Variants in ERC2 observed in about 807,000 individuals in gnomAD.
ERC2 encodes the protein ERC protein 2.
A neutral mutation model predicts 114.8 loss-of-function variants in ERC2; 42 were observed. The ratio of observed to expected loss-of-function variants is 0.37; its 90% CI spans 0.29 to 0.47. ERC2 has a LOEUF of 0.47. ERC2 is among the 20% of genes least tolerant of loss of function. The probability of loss-of-function intolerance (pLI) is 0.99; values close to 1 mark genes in which losing one functional copy is unlikely to be tolerated. For missense variants in ERC2, 939 were observed against 1,150.7 expected (o/e 0.82, Z 2.66); for synonymous variants, 454 against 425.5 (o/e 1.07, Z -0.82).
intron 14 of ERC2, among the ~76,000 whole-genome samples, chr3:55,773,553 A>T (rs1381613176): frequency 6.6e-6 from 1 of 152,228 alleles, no homozygotes; most frequent in Non-Finnish European, 1.5e-5. Context: ...AGACAAGCTA[A>T]TACTCATCTT....
chr3:56,186,114 T>TAAAAAAAAAAAAAAAAAAAAAAAAAAAAA (rs201544979), intron 3 of ERC2, among the ~76,000 whole-genome samples: 2 of 102,544 alleles, frequency 2.0e-5, no homozygotes, highest in African/African-American at 3.9e-5. Context: ...TCAAGAACCT[T>TAAAAAAAAAAAAAAAAAAAAAAAAAAAAA]AAAAAAAAAA....
chr3:55,705,895 G>A (rs2063456598), intron 15 of ERC2, among the ~76,000 whole-genome samples: 1 of 152,124 alleles, frequency 6.6e-6, no homozygotes, highest in African/African-American at 2.4e-5. Context: ...TTGTTGCAGA[G>A]AATGTCAGGG....
At chr3:56,051,412 G>GA (rs982415534) in intron 7 of ERC2, among the ~76,000 whole-genome samples, 2 of 151,736 alleles carry the variant, frequency 1.3e-5, no homozygotes, top group African/African-American at 4.8e-5. Flanking sequence ...ATATTTTTTA[G>GA]AAAAAAAGGG....
At chr3:55,884,593 T>C (rs2063278714) in intron 14 of ERC2, among the ~76,000 whole-genome samples, 1 of 152,058 alleles carries the variant, frequency 6.6e-6, no homozygotes, top group African/African-American at 2.4e-5. Context: ...CAGTTCAATA[T>C]AATGACAAAT....
chr3:55,984,298 A>G (rs193255818), intron 12 of ERC2, among the ~76,000 whole-genome samples: 1 of 152,226 alleles, frequency 6.6e-6, no homozygotes, highest in African/African-American at 2.4e-5. Context: ...TAGGAAAAAA[A>G]AAACAAAAAA....
intron 2 of ERC2, among the ~76,000 whole-genome samples, chr3:56,320,229 A>G (rs1386728409): frequency 6.6e-6 from 1 of 152,212 alleles, no homozygotes; most frequent in African/African-American, 2.4e-5. Context: ...GAGAAGAAAC[A>G]GGTTAACTAC....
At chr3:56,045,979 G>A (rs1030605570) in intron 7 of ERC2, among the ~76,000 whole-genome samples, 5 of 152,150 alleles carry the variant, frequency 3.3e-5, no homozygotes, top group South Asian at 2.1e-4. Context: ...GACTGCACAC[G>A]AGAATCATCT....
chr3:56,294,103 C>A (rs981194211), intron 3 of ERC2, among the ~76,000 whole-genome samples: 1 of 152,206 alleles, frequency 6.6e-6, no homozygotes, highest in Non-Finnish European at 1.5e-5. Context: ...TTCCAAAATC[C>A]ACAGTTAGTC....
intron 3 of ERC2, among the ~76,000 whole-genome samples, chr3:56,268,136 T>C (rs1466797064): frequency 2.6e-5 from 4 of 152,204 alleles, no homozygotes; most frequent in African/African-American, 9.6e-5. Flanking sequence ...ACCATATGAT[T>C]ATAATACTGT....
intron 17 of ERC2, among the ~76,000 whole-genome samples, chr3:55,634,353 T>C (rs2059873351): frequency 6.6e-6 from 1 of 152,234 alleles, no homozygotes; most frequent in Admixed American, 6.5e-5. Context: ...ATGCTCCTAC[T>C]ATTTATTGGG....
intron 14 of ERC2, among the ~76,000 whole-genome samples, chr3:55,866,860 A>T (rs2062341301): frequency 6.6e-6 from 1 of 152,186 alleles, no homozygotes; most frequent in Non-Finnish European, 1.5e-5. Flanking sequence ...CTTGTTCATC[A>T]TCAAGTCACT....
intron 17 of ERC2, among the ~76,000 whole-genome samples, chr3:55,602,006 A>G (rs1401871211): frequency 2.0e-5 from 3 of 152,218 alleles, no homozygotes; most frequent in African/African-American, 7.2e-5. Flanking sequence ...TAAGTCCTCA[A>G]TAACTATTTC....
intron 7 of ERC2, among the ~76,000 whole-genome samples, chr3:56,030,896 T>C (rs1482658093): frequency 1.3e-5 from 2 of 152,108 alleles, no homozygotes; most frequent in African/African-American, 2.4e-5. Flanking sequence ...CAGTGCAGCA[T>C]GGGGAGAGAG....
chr3:56,144,383 G>T (rs1043863537), intron 5 of ERC2, among the ~76,000 whole-genome samples: 1 of 152,146 alleles, frequency 6.6e-6, no homozygotes, highest in East Asian at 1.9e-4. Context: ...TTCTCAGGGG[G>T]GTATGGCCCC....
Position 55,510,207 on chromosome 3 carries a change from A to G in ERC2, c.*1109T>C, listed in dbSNP as rs1488184936. On this transcript the variant is annotated 3_prime_UTR_variant, in exon 18 of 18. Transcript: ENST00000288221. ...TTTTGTGATTGTTCCTCATTCATCAATGTTTTCATGTTTGATGCTGAAAAT... is the reference window on the plus strand; with the variant it reads ...TTTTGTGATTGTTCCTCATTCATCAGTGTTTTCATGTTTGATGCTGAAAAT... 4 of 152,414 alleles carry G rather than the reference A, an allele frequency of 2.6e-5. No individual in the cohort carries two copies. Among genetic ancestry groups the G allele is most frequent in the Non-Finnish European group, 2.9e-5 (2 of 68,006 alleles). 9.4% of individuals were successfully genotyped at this position (152,414 alleles called of 1,614,324 possible).
chr3:55,849,331 A>G (rs2061483869), intron 14 of ERC2, among the ~76,000 whole-genome samples: 1 of 152,204 alleles, frequency 6.6e-6, no homozygotes, highest in Non-Finnish European at 1.5e-5. Flanking sequence ...CTAACTAAGA[A>G]GTGTTCAATG....
intron 14 of ERC2, among the ~76,000 whole-genome samples, chr3:55,883,865 G>A (rs906126779): frequency 2.0e-5 from 3 of 151,334 alleles, no homozygotes; most frequent in African/African-American, 7.3e-5. Context: ...TCCAGCCTGG[G>A]CAACAGAGTG....
chr3:55,867,922 T>C (rs1277883450), intron 14 of ERC2, among the ~76,000 whole-genome samples: 2 of 152,202 alleles, frequency 1.3e-5, no homozygotes, highest in Non-Finnish European at 2.9e-5. Context: ...ATTATTCTTA[T>C]CTTGGATAAT....
chr3:55,879,627 C>A (rs7618265), intron 14 of ERC2, among the ~76,000 whole-genome samples: 14,613 of 152,196 alleles, frequency 0.096, 808 homozygotes, highest in South Asian at 0.15. Flanking sequence ...CATACACATA[C>A]ATGTCTGTTA....
Sources: gnomAD v4.1 joint callset for allele counts (sites outside exome capture counted in the v4.1 genomes callset) on GRCh38, gnomAD v4.1.1 for gene constraint, MANE v1.5 for transcripts, NCBI Gene and HGNC (gene_info 2026-07-23, HGNC 2026-07-21) for gene names.